Variants in ABCA13 observed in about 807,000 individuals in gnomAD.
ABCA13 encodes ATP binding cassette subfamily A member 13.
A neutral mutation model predicts 478.7 loss-of-function variants in ABCA13; 476 were observed. That is an observed-to-expected ratio of 0.99 (90% CI 0.92 to 1.07). The LOEUF is 1.07. ABCA13 is among the 50% of genes least tolerant of loss of function. The pLI, the probability that ABCA13 is intolerant of heterozygous loss-of-function variation, is 0.00. For missense variants in ABCA13, 6,060 were observed against 5,910.6 expected, an observed-to-expected ratio of 1.03 and a Z score of -0.83; for synonymous variants, 2,252 against 2,158.9, an observed-to-expected ratio of 1.04 and a Z score of -1.20.
At chr7:48,396,782 G>A (rs1275759078) in intron 38 of ABCA13, among the ~76,000 whole-genome samples, 1 of 152,170 alleles carries the variant, frequency 6.6e-6, no homozygotes, top group East Asian at 1.9e-4. Context: ...GGCAGGCAGG[G>A]CAGGTGTGTC....
At chr7:48,295,925 G>A in intron 21 of ABCA13, 62 bp downstream of exon 21, 2 of 1,506,266 alleles carry the variant, frequency 1.3e-6, no homozygotes, top group South Asian at 2.8e-5. Flanking sequence ...GGATGTCTAG[G>A]ACTCTTTAAA....
intron 1 of ABCA13, among the ~76,000 whole-genome samples, chr7:48,179,381 C>A (rs920733187): frequency 6.6e-6 from 1 of 152,194 alleles, no homozygotes; most frequent in Non-Finnish European, 1.5e-5. Context: ...TCGTGAGTGT[C>A]CTCTCCTCTC....
rs1554489928 is a variant in ABCA13, at chr7:48,392,090, A to AG, written c.11824_11825insG (p.Ile3942SerfsTer60). On this transcript the variant is annotated frameshift_variant, in exon 38 of 62. Coordinates refer to ENST00000435803, the MANE Select transcript of ABCA13 (RefSeq NM_152701.5). LOFTEE classifies it high-confidence loss of function. ...GGAACATTTGCTGCTCTTTGCTTCC[A>AG]TAAAGGCGCCTCAGTGGACCAAGAA... is the stretch of plus-strand genomic sequence containing the variant. 6.2e-6 allele frequency: 10 copies of AG among 1,613,870 alleles called. No individual in the cohort carries two copies. The highest frequency in any genetic ancestry group is 8.5e-6 in the Non-Finnish European group (10 of 1,179,896).
intron 41 of ABCA13, among the ~76,000 whole-genome samples, chr7:48,425,129 GTCCTTATTCTGTT>G (rs1371857906): frequency 6.6e-6 from 1 of 152,116 alleles, no homozygotes; most frequent in East Asian, 1.9e-4. Flanking sequence ...CAAAAACTCT[GTCCTTATTCTGTT>G]TCCTCCTCTA....
intron 5 of ABCA13, among the ~76,000 whole-genome samples, chr7:48,225,977 A>G (rs1412577433): frequency 2.0e-5 from 3 of 152,128 alleles, no homozygotes; most frequent in Non-Finnish European, 4.4e-5. Context: ...TCATCCAGGA[A>G]TGGACCAGGG....
chr7:48,550,683 A>G (rs149010714), intron 55 of ABCA13, among the ~76,000 whole-genome samples: 1 of 151,642 alleles, frequency 6.6e-6, no homozygotes, highest in African/African-American at 2.4e-5. Flanking sequence ...CTATTTATCT[A>G]TCTACGTACC....
chr7:48,609,550 A>C (rs1296708279), intron 58 of ABCA13, among the ~76,000 whole-genome samples: 2 of 152,336 alleles, frequency 1.3e-5, no homozygotes, highest in South Asian at 2.1e-4. Context: ...GAAACTGAGG[A>C]TAAGAACCTT....
chr7:48,287,658 C>A (rs776745412), intron 19 of ABCA13, among the ~76,000 whole-genome samples: 8 of 152,110 alleles, frequency 5.3e-5, no homozygotes, highest in Non-Finnish European at 1.2e-4. Context: ...CTGTCCTGGG[C>A]AAACTGGGGT....
intron 45 of ABCA13, among the ~76,000 whole-genome samples, chr7:48,475,483 T>C (rs1265458425): frequency 2.3e-5 from 3 of 128,088 alleles, no homozygotes; most frequent in East Asian, 4.9e-4. Context: ...TTTTTTTTTT[T>C]GAGACAGAGT....
At position 48,466,946 on chromosome 7, in the gene ABCA13, T is replaced by A; in HGVS notation, c.12816-10T>A. The A allele has an allele frequency of 5.0e-6, 8 of 1,613,832 alleles. No homozygotes were observed. The highest frequency in any genetic ancestry group is 6.8e-6 in the Non-Finnish European group (8 of 1,179,764). On this transcript the variant is annotated splice_polypyrimidine_tract_variant and intron_variant, in intron 43 of 61. Coordinates refer to ENST00000435803, the MANE Select transcript of ABCA13 (RefSeq NM_152701.5). Reference sequence around the variant, plus strand: ...CCACTTTGTTTCCTTTGTCTCACAATGAACAGCAGCAGTGGGGGCGACAAC... The same window carrying A: ...CCACTTTGTTTCCTTTGTCTCACAAAGAACAGCAGCAGTGGGGGCGACAAC...
chr7:48,594,976 T>C lies in ABCA13; in HGVS notation c.14744+163T>C, dbSNP rs1022514768. Among the ~76,000 whole-genome samples, 7 of 152,238 alleles carry C rather than the reference T, an allele frequency of 4.6e-5. 1 individual carries two copies. The highest frequency in any genetic ancestry group is 1.7e-4 in the African/African-American group (7 of 41,452). On this transcript the variant is annotated intron_variant, in intron 58 of 61. Transcript: ENST00000435803. ...TAGCCCTCATTGTATAAATTGAGAC[T>C]GAAGCCATGAGGGATTACGTTATAT...
Position 48,647,002 on chromosome 7 carries a change from T to C in ABCA13, c.*1490T>C, listed in dbSNP as rs1795473850. On this transcript the variant is annotated 3_prime_UTR_variant, in exon 62 of 62. Coordinates refer to ENST00000435803, the MANE Select transcript of ABCA13 (RefSeq NM_152701.5). ...AAATCAATCCACTACTGAAATAGTT[T>C]CCAGTCAGACATTTCTGAGTTCAGA... The C allele has an allele frequency of 6.6e-6, 1 of 152,192 alleles. No individual in the cohort carries two copies. Among genetic ancestry groups the C allele is most frequent in the Admixed American group, 6.5e-5 (1 of 15,282 alleles). The allele number at this position is 152,192 out of a possible 1,614,324, so 9.4% of individuals were successfully genotyped here. A position where few individuals can be genotyped will look rare whatever the true frequency, so the allele number is the denominator to read the frequency against.
At chr7:48,253,590 A>T (rs370546051) in intron 15 of ABCA13, among the ~76,000 whole-genome samples, 32 of 152,286 alleles carry the variant, frequency 2.1e-4, no homozygotes, top group Middle Eastern at 3.4e-3. Flanking sequence ...GGCTCAAGTG[A>T]TTCTCCTGAC....
chr7:48,377,889 A>C (rs1186206125), intron 35 of ABCA13, among the ~76,000 whole-genome samples: 1 of 152,240 alleles, frequency 6.6e-6, no homozygotes, highest in African/African-American at 2.4e-5. Context: ...GTCCATCTAA[A>C]ATACAAAGAC....
chr7:48,291,225 A>G (rs182513036), intron 20 of ABCA13, among the ~76,000 whole-genome samples: 31 of 152,290 alleles, frequency 2.0e-4, no homozygotes, highest in Non-Finnish European at 4.1e-4. Context: ...CTCTTCTGGT[A>G]GAGCAGTCAG....
intron 58 of ABCA13, among the ~76,000 whole-genome samples, chr7:48,603,068 C>T (rs1186628374): frequency 6.6e-5 from 10 of 151,988 alleles, no homozygotes; most frequent in South Asian, 2.1e-4. Context: ...GTAATTTTTG[C>T]GCATTGATTT....
Position 48,239,308 on chromosome 7 carries a change from C to A in ABCA13, c.965C>A (p.Ala322Asp). The change falls in exon 9 of 62, where the codon GCT becomes GAT. Residue 322 changes from alanine to aspartate, a missense_variant. Around this residue, in one of 3 missense-constraint regions of ABCA13, gnomAD observed 4,423 missense variants for 4,309.1 expected, o/e 1.03. Coordinates refer to ENST00000435803, the MANE Select transcript of ABCA13 (RefSeq NM_152701.5). ...SVLSSTSEDEAEKWGHVGGCH... is the reference protein window; with the variant it reads ...SVLSSTSEDEDEKWGHVGGCH... Reference sequence around the variant, plus strand: ...TTGTCTAGCACATCAGAGGATGAAGCTGAGAAATGGGGCCACGTTGGAGGC... The same window carrying A: ...TTGTCTAGCACATCAGAGGATGAAGATGAGAAATGGGGCCACGTTGGAGGC... 1 of 1,613,960 alleles carries A rather than the reference C, an allele frequency of 6.2e-7. No homozygotes were observed. The highest frequency in any genetic ancestry group is 8.5e-7 in the Non-Finnish European group (1 of 1,179,868).
chr7:48,187,571 T>C (rs1218166534), intron 1 of ABCA13, among the ~76,000 whole-genome samples: 1 of 152,018 alleles, frequency 6.6e-6, no homozygotes, highest in Non-Finnish European at 1.5e-5. Flanking sequence ...TTTTGCGTCT[T>C]AATATTTTTG....
chr7:48,378,410 G>A (rs1813828477), intron 35 of ABCA13, among the ~76,000 whole-genome samples: 1 of 152,152 alleles, frequency 6.6e-6, no homozygotes, highest in South Asian at 2.1e-4. Flanking sequence ...TTCCTCAGGG[G>A]ACCAGGAGAT....
Sources: gnomAD v4.1 joint callset for allele counts (sites outside exome capture counted in the v4.1 genomes callset) on GRCh38, gnomAD v4.1.1 for gene constraint, gnomAD v4.1.1 regional missense constraint, MANE v1.5 for transcripts, NCBI Gene and HGNC (gene_info 2026-07-23, HGNC 2026-07-21) for gene names.